Variants in POLG2 observed in about 807,000 individuals in gnomAD.
POLG2 encodes DNA polymerase gamma 2, accessory subunit, also known as DNA polymerase subunit gamma-2.
A neutral mutation model predicts 56.5 loss-of-function variants in POLG2; 50 were observed. The ratio of observed to expected loss-of-function variants is 0.88; its 90% CI spans 0.71 to 1.12. The LOEUF is 1.12. Ranked by LOEUF, POLG2 falls within the 50% of genes most tolerant of loss-of-function variation. POLG2 has a pLI of 0.00. For synonymous variants in POLG2, 226 were observed against 222.6 expected (o/e 1.02, Z -0.14); for missense variants, 584 against 583.3 (o/e 1.00, Z -0.01).
At position 64,482,954 on chromosome 17, in the gene POLG2, C is replaced by G; in HGVS notation, c.1156G>C (p.Asp386His). ...TCCAATGTGGGGCCTCTTCCTACAT[C>G]CAAAGCAACCTTAATAGGGGCTAAA... ...PCLAPIKVAL[D>H]VGRGPTLELR... Residue 386 changes from aspartate to histidine, a missense_variant, in exon 6 of 8, where the codon GAT becomes CAT. Transcript: ENST00000539111. The G allele has an allele frequency of 6.2e-7, 1 of 1,607,358 alleles. No homozygotes were observed.
chr17:64,482,170 C>A (rs1343772036), intron 6 of POLG2, among the ~76,000 whole-genome samples: 3 of 132,034 alleles, frequency 2.3e-5, no homozygotes, highest in African/African-American at 8.5e-5. Context: ...GTGCTGCGAT[C>A]TCGGCTCACT....
rs1053167795 is a variant in POLG2 at position 64,491,766 on chromosome 17, G to A, written c.796-797C>T. 174 of 659,724 alleles carry A rather than the reference G, an allele frequency of 2.6e-4. 1 individual carries two copies. Among genetic ancestry groups the A allele is most frequent in the South Asian group, 5.1e-4 (36 of 70,058 alleles). The allele number at this position is 659,724 out of a possible 1,614,324, so 40.9% of individuals were successfully genotyped here. A position where few individuals can be genotyped will look rare whatever the true frequency, so the allele number is the denominator to read the frequency against. On this transcript the variant is annotated intron_variant, in intron 3 of 7. Coordinates refer to ENST00000539111, the MANE Select transcript of POLG2 (RefSeq NM_007215.4). ...CCTTTCCTACAAGGAGCTCAAGCAC[G>A]AGCGGCTATGCAAGTACCACTGAAG...
intron 7 of POLG2, among the ~76,000 whole-genome samples, chr17:64,479,373 C>T (rs930209907): frequency 3.3e-5 from 5 of 151,862 alleles, no homozygotes; most frequent in South Asian, 2.1e-4. Flanking sequence ...TTAGTAGAGA[C>T]GGGGTTTTGC....
chr17:64,477,928 T>TC lies in POLG2; in HGVS notation c.1352dup (p.Leu452IlefsTer26). On this transcript the variant is annotated frameshift_variant, in exon 8 of 8. Transcript: ENST00000539111. LOFTEE classifies it high-confidence loss of function. ...TGTCTCTGCTTCTCAGATGTATTAA[T>TC]CCATTCTCCAAAGTAGTTTCAGTAA... is the stretch of plus-strand genomic sequence containing the variant. 6.2e-7 allele frequency: 1 copy of TC among 1,614,048 alleles called. No individual in the cohort carries two copies. The highest frequency in any genetic ancestry group is 8.5e-7 in the Non-Finnish European group (1 of 1,179,980).
At position 64,496,801 on chromosome 17, in the gene POLG2, G is replaced by A. The variant is rs1555669633; in HGVS notation, c.168C>T (p.His56=). ...SHAELEGNGE[H]PEAPGSGEGS... is the part of the protein sequence containing the mutation. ...CCTCTCCAGACCCGGGGGCTTCTGG[G>A]TGCTCGCCGTTCCCCTCGAGCTCCG... The change falls in exon 1 of 8, where the codon CAC becomes CAT. Residue 56 remains histidine (H), a synonymous_variant. Transcript: ENST00000539111. 1.9e-6 allele frequency: 3 copies of A among 1,613,778 alleles called. No individual in the cohort carries two copies. In the South Asian group the frequency reaches 3.3e-5, roughly 18 times the overall value.
At chr17:64,489,782 T>C (rs2038024871) in intron 4 of POLG2, among the ~76,000 whole-genome samples, 1 of 148,046 alleles carries the variant, frequency 6.8e-6, no homozygotes, top group South Asian at 2.1e-4. Context: ...AAAATCACCA[T>C]TTGGCAAACC....
At position 64,491,736 on chromosome 17, in the gene POLG2, T is replaced by C. The variant is rs2038062442; in HGVS notation, c.796-767A>G. The C allele has an allele frequency of 3.7e-6, 3 of 803,716 alleles. No homozygotes were observed. The Admixed American group carries it at 5.4e-5, about 14-fold the overall frequency. The allele number at this position is 803,716 out of a possible 1,614,324, so 49.8% of individuals were successfully genotyped here. Reference sequence around the variant, plus strand: ...GCTGGCAGGGTACATGCTCTTCATCTACTGCCTTTCCTACAAGGAGCTCAA... The same window carrying C: ...GCTGGCAGGGTACATGCTCTTCATCCACTGCCTTTCCTACAAGGAGCTCAA... On this transcript the variant is annotated intron_variant, in intron 3 of 7. Coordinates refer to ENST00000539111, the MANE Select transcript of POLG2 (RefSeq NM_007215.4).
rs782335845 is a variant in POLG2, at chr17:64,480,314, A to C, written c.1267T>G (p.Ser423Ala). ...VWPGYLETMQ[S>A]SLEQLYSKYD... ...TTCGAATAAAGTTGTTCCAATGAGGACTGCATAGTTTCCAAATAACCAGGC... is the reference window on the plus strand; with the variant it reads ...TTCGAATAAAGTTGTTCCAATGAGGCCTGCATAGTTTCCAAATAACCAGGC... Residue 423 changes from serine to alanine, a missense_variant, in exon 7 of 8, where the codon TCC (serine) becomes GCC (alanine). Ser to Ala is a moderately conservative substitution (Grantham distance 99). Coordinates refer to ENST00000539111, the MANE Select transcript of POLG2 (RefSeq NM_007215.4). 7.0e-6 allele frequency: 11 copies of C among 1,579,672 alleles called. No individual in the cohort carries two copies. The Admixed American group carries it at 1.7e-4, about 24-fold the overall frequency.
chr17:64,480,221 C>T, intron 7 of POLG2, 68 bp downstream of exon 7: 1 of 501,824 alleles, frequency 2.0e-6, no homozygotes, highest in Non-Finnish European at 3.5e-6. Flanking sequence ...AGATTTGTTT[C>T]TGTAATTCAT....
rs1555665789 is a variant in POLG2 at position 64,477,902 on chromosome 17, G to A, written c.1379C>T (p.Thr460Ile). The change falls in exon 8 of 8, where the codon ACC (threonine) becomes ATC (isoleucine). Residue 460 changes from threonine (T) to isoleucine (I), a missense_variant. Thr to Ile is a moderately conservative substitution (Grantham distance 89). Transcript: ENST00000539111. The stretch of plus-strand genomic sequence containing the variant: ...TATATGCATCATTTCCTTCATTGTG[G>A]TGTCTCTGCTTCTCAGATGTATTAA... ...NGLIHLRSRD[T>I]TMKEMMHISK... The A allele has an allele frequency of 1.2e-5, 20 of 1,613,448 alleles. No homozygotes were observed. The highest frequency in any genetic ancestry group is 1.5e-5 in the Non-Finnish European group (18 of 1,179,810).
rs782583101 is a variant in POLG2 at position 64,496,880 on chromosome 17, G to A, written c.89C>T (p.Pro30Leu). 1.9e-6 allele frequency: 3 copies of A among 1,613,366 alleles called. No individual in the cohort carries two copies. The highest frequency in any genetic ancestry group is 1.7e-6 in the Non-Finnish European group (2 of 1,179,994). ...GCTACTCCTTTCCGTCAACAGCTCC[G>A]GCTGCCCCGCATCTACTCGACCCCC... ...GFGGRVDAGQPELLTERSSPK... is the reference protein window; with the variant it reads ...GFGGRVDAGQLELLTERSSPK... The change falls in exon 1 of 8, where the codon CCG becomes CTG. Residue 30 changes from proline to leucine, a missense_variant. Pro to Leu is a moderately conservative substitution (Grantham distance 98, BLOSUM62 -3). Transcript: ENST00000539111.
chr17:64,478,016 A>G (rs1555665836), intron 7 of POLG2, 28 bp from the exon 8 acceptor site: 1 of 1,604,130 alleles, frequency 6.2e-7, no homozygotes, highest in South Asian at 1.1e-5. Flanking sequence ...AAACAGACAC[A>G]TGAGCACAAA....
intron 5 of POLG2, among the ~76,000 whole-genome samples, chr17:64,484,924 A>G (rs1239716075): frequency 6.6e-6 from 1 of 152,174 alleles, no homozygotes; most frequent in Non-Finnish European, 1.5e-5. Context: ...TTCAAAGGGT[A>G]TATGACTATT....
At chr17:64,486,356 TAACAC>T (rs1555667478) in intron 4 of POLG2, among the ~76,000 whole-genome samples, 36 of 133,824 alleles carry the variant, frequency 2.7e-4, no homozygotes, top group South Asian at 8.7e-4. Flanking sequence ...TTCAGAAAGG[TAACAC>T]TTTTTTTTTT....
chr17:64,481,600 C>T (rs1244490143), intron 6 of POLG2, among the ~76,000 whole-genome samples: 4 of 152,122 alleles, frequency 2.6e-5, no homozygotes, highest in South Asian at 4.1e-4. Flanking sequence ...AGGCTGCGCA[C>T]GGTGGCTCAC....
At chr17:64,481,954 AATT>A (rs2037864336) in intron 6 of POLG2, among the ~76,000 whole-genome samples, 1 of 132,186 alleles carries the variant, frequency 7.6e-6, no homozygotes. Flanking sequence ...CAAATATTTT[AATT>A]ACTATGTCTA....
At chr17:64,490,994 C>T in intron 3 of POLG2, 25 bp from the exon 4 acceptor site, 2 of 1,565,714 alleles carry the variant, frequency 1.3e-6, no homozygotes, top group Non-Finnish European at 1.8e-6. Context: ...TTAAGTTTGT[C>T]TTAACATATT....
rs181773741 is a variant in POLG2, at chr17:64,487,669, C to T, written c.970-1801G>A. ...TCAAGTACTGAAAGATTCTGTGGTG[C>T]GCTTTGAATCAAACAAAATCTAAAT... On this transcript the variant is annotated intron_variant, in intron 4 of 7. Transcript: ENST00000539111. Among the ~76,000 whole-genome samples the T allele has an allele frequency of 4.0e-3, 591 of 149,116 alleles. 8 individuals carry two copies. Among genetic ancestry groups the T allele is most frequent in the Admixed American group, 0.032 (476 of 14,986 alleles).
rs781925329 is a variant in POLG2, at chr17:64,496,603, C to A, written c.366G>T (p.Arg122Ser). 80 of 1,613,718 alleles carry A rather than the reference C, an allele frequency of 5.0e-5. No individual in the cohort carries two copies. Among genetic ancestry groups the A allele is most frequent in the Admixed American group, 1.5e-4 (9 of 59,992 alleles). The change falls in exon 1 of 8, where the codon AGG (arginine) becomes AGT (serine). Residue 122 changes from arginine to serine, a missense_variant. Physicochemically the swap from Arg to Ser is moderately radical, Grantham distance 110. Transcript: ENST00000539111. Reference protein sequence around the residue: ...AEWWTSVVVFREQVFPVDALH... With the variant: ...AEWWTSVVVFSEQVFPVDALH... ...GGGCGTCCACCGGGAATACCTGCTC[C>A]CTGAACACCACCACCGAGGTCCACC...
Sources: gnomAD v4.1 joint callset for allele counts (sites outside exome capture counted in the v4.1 genomes callset) on GRCh38, gnomAD v4.1.1 for gene constraint, MANE v1.5 for transcripts, NCBI Gene and HGNC (gene_info 2026-07-23, HGNC 2026-07-21) for gene names.